AP3D1: variants seen among roughly 807,000 people sequenced by gnomAD.
AP3D1 encodes adaptor related protein complex 3 subunit delta 1, also known as AP-3 complex subunit delta-1.
A neutral mutation model predicts 147.6 loss-of-function variants in AP3D1; 51 were observed. The observed-to-expected ratio is 0.35, with a 90% CI of 0.28 to 0.44. The LOEUF is 0.44. Among genes scored for constraint, AP3D1 ranks in the 20% least tolerant of loss-of-function variants. The pLI is 1.00. For missense variants in AP3D1, 1,421 were observed against 1,624.2 expected (o/e 0.87, Z 2.15); for synonymous variants, 760 against 663.0 (o/e 1.15, Z -2.25).
intron 1 of AP3D1, chr19:2,164,018 GCCGGA>G: frequency 3.7e-6 from 1 of 270,158 alleles, no homozygotes; most frequent in Non-Finnish European, 6.1e-6. Flanking sequence ...CGGGGGCCGG[GCCGGA>G]CCGGAGCGCG....
At chr19:2,156,312 C>G (rs2019645010), upstream of AP3D1, among the ~76,000 whole-genome samples, 2 of 152,118 alleles carry the variant, frequency 1.3e-5, no homozygotes, top group Admixed American at 6.6e-5. Context: ...AATTATCCAT[C>G]CTTTCATCCA....
intron 26 of AP3D1, 72 bp downstream of exon 26, chr19:2,111,213 C>A: frequency 1.9e-6 from 3 of 1,578,618 alleles, no homozygotes; most frequent in South Asian, 1.1e-5. Context: ...GGGGGCTGCC[C>A]GGGTTCCGCG....
At chr19:2,120,444 C>T (rs2018577756) in intron 14 of AP3D1, among the ~76,000 whole-genome samples, 1 of 152,216 alleles carries the variant, frequency 6.6e-6, no homozygotes, top group South Asian at 2.1e-4. Context: ...CTCCCTGGGC[C>T]ACCTAACTGC....
intron 1 of AP3D1, among the ~76,000 whole-genome samples, chr19:2,141,995 T>A (rs1048795210): frequency 1.2e-4 from 18 of 149,168 alleles, no homozygotes; most frequent in African/African-American, 4.0e-4. Context: ...TATATACATT[T>A]ATTTACATAT....
intron 5 of AP3D1, among the ~76,000 whole-genome samples, chr19:2,132,056 A>C (rs574033116): frequency 6.6e-6 from 1 of 152,270 alleles, no homozygotes; most frequent in African/African-American, 2.4e-5. Context: ...GGGGCTTCCC[A>C]GGTTTTAGAC....
intron 2 of AP3D1, among the ~76,000 whole-genome samples, 196 bp downstream of exon 2, chr19:2,138,423 C>A (rs2019132712): frequency 6.6e-6 from 1 of 152,218 alleles, no homozygotes; most frequent in African/African-American, 2.4e-5. Context: ...TGGGTTGCCA[C>A]CCTCTGGCCT....
chr19:2,118,934 C>T, intron 14 of AP3D1, 102 bp from the exon 15 acceptor site: 2 of 1,101,350 alleles, frequency 1.8e-6, no homozygotes, highest in Non-Finnish European at 2.6e-6. Context: ...AACAAGGTGA[C>T]TCTGGGCCCT....
In AP3D1 at chr19:2,111,822, G is replaced by C. The variant is rs780879347; in HGVS notation, c.2794C>G (p.Pro932Ala). The C allele has an allele frequency of 6.2e-7, 1 of 1,613,774 alleles. No individual in the cohort carries two copies. Among genetic ancestry groups the C allele is most frequent in the South Asian group, 1.1e-5 (1 of 91,082 alleles). The change falls in exon 25 of 32, where the codon CCC becomes GCC. Residue 932 changes from proline to alanine, a missense_variant. By Grantham distance (27) the Pro-to-Ala change is conservative. Coordinates refer to ENST00000643116, the MANE Select transcript of AP3D1 (RefSeq NM_001261826.3). The part of the protein sequence containing the change: ...AEGQDQDKKS[P>A]KPKKKKHRKE... ...CTGTGCTTCTTCTTCTTAGGCTTGG[G>C]AGATTTCTGGAGCAAGAGGAGGGTC... is the stretch of plus-strand genomic sequence containing the variant.
upstream of AP3D1, among the ~76,000 whole-genome samples, chr19:2,156,044 C>A (rs11882984): frequency 4.8e-4 from 69 of 142,638 alleles, no homozygotes; most frequent in African/African-American, 1.5e-3. Context: ...CAGAGCGAGA[C>A]TCCGTCTCAA....
At chr19:2,152,082 A>C (rs1292263976), upstream of AP3D1, among the ~76,000 whole-genome samples, 1 of 152,262 alleles carries the variant, frequency 6.6e-6, no homozygotes, top group African/African-American at 2.4e-5. Flanking sequence ...CCACAGGAAG[A>C]AAATGAGGCC....
intron 12 of AP3D1, among the ~76,000 whole-genome samples, chr19:2,121,529 C>T (rs1158120031): frequency 6.6e-6 from 1 of 152,206 alleles, no homozygotes; most frequent in Non-Finnish European, 1.5e-5. Context: ...ACAGTCTGTT[C>T]TGCAGGCTCG....
intron 17 of AP3D1, 129 bp downstream of exon 17, chr19:2,116,476 G>C: frequency 7.6e-7 from 1 of 1,319,944 alleles, no homozygotes; most frequent in African/African-American, 1.5e-5. Context: ...CGCTCTGGGA[G>C]GCAGGGACGC....
intron 1 of AP3D1, chr19:2,164,227 G>A (rs1474187266): frequency 1.6e-6 from 2 of 1,289,654 alleles, no homozygotes; most frequent in South Asian, 3.3e-5. Context: ...GCCCGTGGGG[G>A]CTGAGCCCGC....
At position 2,112,818 on chromosome 19, in the gene AP3D1, T is replaced by C; in HGVS notation, c.2787+42A>G. The C allele has an allele frequency of 1.3e-6, 2 of 1,516,136 alleles. 1 individual carries two copies. The highest frequency in any genetic ancestry group is 2.4e-5 in the South Asian group (2 of 83,158). 93.9% of individuals were successfully genotyped at this position (1,516,136 alleles called of 1,614,324 possible). On this transcript the variant is annotated intron_variant, in intron 24 of 31. Coordinates refer to ENST00000643116, the MANE Select transcript of AP3D1 (RefSeq NM_001261826.3). ...CGGCCCCACGTTGGGGTGCTGGGGC[T>C]CATGCAGCCCTCCACAGCCCCTGGG... is the stretch of plus-strand genomic sequence containing the variant.
intron 26 of AP3D1, 104 bp from the exon 27 acceptor site, chr19:2,111,000 G>T: frequency 7.8e-7 from 1 of 1,277,592 alleles, no homozygotes; most frequent in Non-Finnish European, 1.1e-6. Context: ...GGTCCCACAG[G>T]CACAGGAAGG....
chr19:2,158,213 G>A (rs1462723186), intron 1 of AP3D1, among the ~76,000 whole-genome samples: 5 of 151,870 alleles, frequency 3.3e-5, no homozygotes, highest in Admixed American at 3.3e-4. Flanking sequence ...CCGCCACCAC[G>A]CCCGGCTAAT....
chr19:2,141,985 T>C (rs1032316014), intron 1 of AP3D1, among the ~76,000 whole-genome samples: 3 of 149,964 alleles, frequency 2.0e-5, no homozygotes, highest in Admixed American at 6.7e-5. Context: ...TGTTTACATA[T>C]ATATACATTT....
At chr19:2,118,325 G>A (rs1483442872) in intron 15 of AP3D1, among the ~76,000 whole-genome samples, 1 of 152,104 alleles carries the variant, frequency 6.6e-6, no homozygotes, top group Non-Finnish European at 1.5e-5. Context: ...CTGTCTCGCC[G>A]CATGTGAAAC....
chr19:2,159,952 G>A (rs1473434245), intron 1 of AP3D1, among the ~76,000 whole-genome samples: 1 of 151,906 alleles, frequency 6.6e-6, no homozygotes, highest in Non-Finnish European at 1.5e-5. Context: ...TCCTGACCCC[G>A]TGATCTGCCC....
Sources: allele counts gnomAD v4.1 joint callset (sites outside exome capture counted in the v4.1 genomes callset), GRCh38; gene constraint gnomAD v4.1.1; transcripts MANE v1.5; gene names NCBI Gene and HGNC (gene_info 2026-07-23, HGNC 2026-07-21).